The following MCC variants were observed in gnomAD, a reference collection of about 807,000 sequenced individuals.
The protein encoded by MCC is MCC regulator of Wnt signaling pathway.
MCC carries 90 observed loss-of-function variants against 116.2 expected under a neutral mutation model. The ratio of observed to expected loss-of-function variants is 0.77; its 90% CI spans 0.65 to 0.92. The LOEUF (loss-of-function observed/expected upper bound fraction) is 0.92. MCC is among the 40% of genes least tolerant of loss of function. MCC has a pLI of 0.00. For synonymous variants in MCC, 578 were observed against 510.5 expected (o/e 1.13, Z -1.78); for missense variants, 1,516 against 1,312.2 (o/e 1.16, Z -2.40).
rs753858976 is a variant in MCC, at chr5:113,028,911, G to T, written c.2879+23C>A. 8.7e-6 allele frequency: 14 copies of T among 1,608,752 alleles called. No homozygotes were observed. In the African/African-American group the frequency reaches 1.7e-4, roughly 20 times the overall value. ...GTACCACAGGTGGAGGGCGGTGGGG[G>T]CTGGGTATAGGGAGATTTTTACCTG... On this transcript the variant is annotated intron_variant, in intron 18 of 18. Coordinates refer to ENST00000408903, the MANE Select transcript of MCC (RefSeq NM_001085377.2).
At chr5:113,164,701 C>A (rs1476576054) in intron 3 of MCC, among the ~76,000 whole-genome samples, 1 of 152,234 alleles carries the variant, frequency 6.6e-6, no homozygotes, top group African/African-American at 2.4e-5. Context: ...AACTTCCAAG[C>A]TGACCTGTCA....
intron 3 of MCC, among the ~76,000 whole-genome samples, chr5:113,197,388 G>T (rs1187671480): frequency 6.6e-6 from 1 of 152,068 alleles, no homozygotes; most frequent in East Asian, 1.9e-4. Context: ...TGGTTATGGG[G>T]TTTCTTTTTT....
At chr5:113,271,863 C>G (rs574490283) in intron 3 of MCC, among the ~76,000 whole-genome samples, 9 of 152,262 alleles carry the variant, frequency 5.9e-5, no homozygotes, top group African/African-American at 2.2e-4. Context: ...GTCCCTCAAT[C>G]TTGAACATCT....
At chr5:113,469,188 T>G (rs561438534) in intron 1 of MCC, among the ~76,000 whole-genome samples, 1 of 152,324 alleles carries the variant, frequency 6.6e-6, no homozygotes, top group East Asian at 1.9e-4. Flanking sequence ...TTCCCTCAGT[T>G]CTGCTCTGAT....
chr5:113,195,559 G>A (rs1457019276), intron 3 of MCC, among the ~76,000 whole-genome samples: 3 of 152,086 alleles, frequency 2.0e-5, no homozygotes, highest in Non-Finnish European at 4.4e-5. Context: ...GGCCTCCTGA[G>A]ATCACCAGGA....
intron 3 of MCC, among the ~76,000 whole-genome samples, chr5:113,265,709 G>A (rs28494592): frequency 0.059 from 8,983 of 151,906 alleles, 546 homozygotes; most frequent in African/African-American, 0.15. Context: ...CCTTCTCCAC[G>A]CACCCAACTC....
At chr5:113,056,534 G>A (rs1752843205) in intron 14 of MCC, among the ~76,000 whole-genome samples, 2 of 152,154 alleles carry the variant, frequency 1.3e-5, no homozygotes, top group Admixed American at 1.3e-4. Context: ...GAGAACACAT[G>A]AACACAAAGA....
intron 8 of MCC, among the ~76,000 whole-genome samples, chr5:113,091,910 A>AACACAC (rs140237354): frequency 6.8e-6 from 1 of 147,108 alleles, no homozygotes; most frequent in Non-Finnish European, 1.5e-5. Flanking sequence ...ACACCACACA[A>AACACAC]ACACACACAC....
At chr5:113,151,960 C>T (rs1200891351) in intron 3 of MCC, among the ~76,000 whole-genome samples, 1 of 152,114 alleles carries the variant, frequency 6.6e-6, no homozygotes, top group Non-Finnish European at 1.5e-5. Flanking sequence ...ACAGTTGACC[C>T]ATTTATTTTC....
At chr5:113,207,503 T>C (rs959218991) in intron 3 of MCC, among the ~76,000 whole-genome samples, 1 of 152,048 alleles carries the variant, frequency 6.6e-6, no homozygotes, top group Admixed American at 6.5e-5. Flanking sequence ...AAGAACTGAA[T>C]CTTAGAGAAT....
intron 2 of MCC, among the ~76,000 whole-genome samples, chr5:113,381,651 G>T (rs1028481191): frequency 6.6e-6 from 1 of 152,042 alleles, no homozygotes; most frequent in South Asian, 2.1e-4. Context: ...AGCTGGGCCT[G>T]GTGGTGCATG....
chr5:113,323,197 A>C (rs555230013), intron 3 of MCC: 2 of 152,402 alleles, frequency 1.3e-5, no homozygotes, highest in South Asian at 4.2e-4. Flanking sequence ...TGATGACTTG[A>C]CTGCCACCTC....
chr5:113,363,681 C>G (rs927881917), intron 2 of MCC, among the ~76,000 whole-genome samples: 12 of 152,178 alleles, frequency 7.9e-5, no homozygotes, highest in Non-Finnish European at 1.5e-4. Flanking sequence ...GATCCAAACC[C>G]TATCGTTCCA....
intron 1 of MCC, among the ~76,000 whole-genome samples, chr5:113,449,297 A>T (rs146873394): frequency 6.6e-6 from 1 of 152,374 alleles, no homozygotes; most frequent in Non-Finnish European, 1.5e-5. Context: ...AGCCTCGGAA[A>T]GATAAGGTTG....
chr5:113,085,034 G>C (rs1051946298), intron 9 of MCC, 130 bp downstream of exon 9: 7 of 1,268,380 alleles, frequency 5.5e-6, no homozygotes, highest in South Asian at 1.3e-5. Context: ...GAAGGCCTGC[G>C]TAAGGTCCCA....
intron 2 of MCC, among the ~76,000 whole-genome samples, chr5:113,366,579 T>G (rs1768693763): frequency 6.6e-6 from 1 of 152,178 alleles, no homozygotes; most frequent in Non-Finnish European, 1.5e-5. Context: ...TCTTATTTGA[T>G]TTCCTACCTG....
At chr5:113,113,871 G>A (rs954279779) in intron 6 of MCC, among the ~76,000 whole-genome samples, 4 of 152,044 alleles carry the variant, frequency 2.6e-5, no homozygotes, top group Non-Finnish European at 5.9e-5. Context: ...AGCCTTGACT[G>A]GATCTGGGAC....
chr5:113,100,058 A>G (rs1756299146), intron 8 of MCC, among the ~76,000 whole-genome samples: 1 of 152,150 alleles, frequency 6.6e-6, no homozygotes, highest in African/African-American at 2.4e-5. Flanking sequence ...GATGATTTAC[A>G]CCTGCTGATG....
intron 3 of MCC, among the ~76,000 whole-genome samples, chr5:113,294,054 G>A (rs543630525): frequency 6.6e-6 from 1 of 152,334 alleles, no homozygotes; most frequent in Admixed American, 6.5e-5. Context: ...GATGCAGACT[G>A]TCGTGAGTAA....
Sources: allele counts gnomAD v4.1 joint callset (sites outside exome capture counted in the v4.1 genomes callset), GRCh38; gene constraint gnomAD v4.1.1; transcripts MANE v1.5; gene names NCBI Gene and HGNC (gene_info 2026-07-23, HGNC 2026-07-21).